Variants in KIF1A observed in about 807,000 individuals in gnomAD.
KIF1A encodes the protein kinesin-like protein KIF1A.
KIF1A carries 46 observed loss-of-function variants against 227.3 expected under a neutral mutation model. The ratio of observed to expected loss-of-function variants is 0.20; its 90% CI spans 0.16 to 0.26. The LOEUF is 0.26. Ranked by LOEUF, KIF1A falls within the 10% of genes least tolerant of loss-of-function variation. The probability of loss-of-function intolerance (pLI) is 1.00; values close to 1 mark genes in which losing one functional copy is unlikely to be tolerated. For synonymous variants in KIF1A, 1,022 were observed against 1,012.8 expected (o/e 1.01, Z -0.17); for missense variants, 1,683 against 2,485.9 (o/e 0.68, Z 6.87).
At chr2:240,791,903 G>A (rs896142452) in intron 2 of KIF1A, among the ~76,000 whole-genome samples, 2 of 149,534 alleles carry the variant, frequency 1.3e-5, no homozygotes, top group Non-Finnish European at 3.0e-5. Context: ...TCCCACCCTG[G>A]CCCTGCCTAC....
At chr2:240,751,306 C>T (rs887196876) in intron 27 of KIF1A, among the ~76,000 whole-genome samples, 21 of 152,188 alleles carry the variant, frequency 1.4e-4, no homozygotes, top group South Asian at 6.2e-4. Flanking sequence ...CACAGCCAGG[C>T]GGAAGGATAC....
Position 240,745,758 on chromosome 2 carries a change from G to T in KIF1A, c.3354C>A (p.Ala1118=). 1 of 1,612,460 alleles carries T rather than the reference G, an allele frequency of 6.2e-7. No homozygotes were observed. Among genetic ancestry groups the T allele is most frequent in the South Asian group, 1.1e-5 (1 of 90,794 alleles). Residue 1118 remains alanine, a synonymous_variant, in exon 31 of 49, where the codon GCC becomes GCA. Transcript: ENST00000498729. ...LQASSISAEY[A]DIFCQFNFIH... ...CTCACTTGAACTGGCAGAAGATGTC[G>T]GCATATTCGGCAGAGATGCTGGACG...
intron 1 of KIF1A, among the ~76,000 whole-genome samples, chr2:240,815,622 C>T (rs938009979): frequency 6.6e-6 from 1 of 152,240 alleles, no homozygotes; most frequent in Non-Finnish European, 1.5e-5. Flanking sequence ...ACAACCGGCT[C>T]AGCCATGGAA....
chr2:240,815,605 G>C (rs2058257484), intron 1 of KIF1A, among the ~76,000 whole-genome samples: 1 of 152,198 alleles, frequency 6.6e-6, no homozygotes, highest in Non-Finnish European at 1.5e-5. Flanking sequence ...GCGGTACCTG[G>C]GCTAGAACAA....
At chr2:240,794,554 C>T (rs899105638) in intron 2 of KIF1A, among the ~76,000 whole-genome samples, 2 of 152,228 alleles carry the variant, frequency 1.3e-5, no homozygotes, top group Non-Finnish European at 2.9e-5. Flanking sequence ...GGTCCGCTGC[C>T]GGGATAGACT....
chr2:240,757,985 T>C lies in KIF1A; in HGVS notation c.2582+375A>G, dbSNP rs150233063. 2.2e-3 allele frequency among the ~76,000 whole-genome samples: 330 copies of C among 152,278 alleles called. 1 individual carries two copies. The highest frequency in any genetic ancestry group is 7.7e-3 in the African/African-American group (321 of 41,546). The stretch of plus-strand genomic sequence containing the variant: ...GAGACCGGGGAAGGAGGCAGCCATT[T>C]GTAAGGCTCAGGTGACACAGCCCTG... On this transcript the variant is annotated intron_variant, in intron 26 of 48. Transcript: ENST00000498729. This position sits in a 1 kb window ranked among gnomAD's most constrained non-coding sequence, Gnocchi z 6.2.
intron 18 of KIF1A, 72 bp downstream of exon 18, chr2:240,767,194 G>A: frequency 7.5e-7 from 1 of 1,328,404 alleles, no homozygotes; most frequent in Non-Finnish European, 1.1e-6. Flanking sequence ...AAGCAGGAAT[G>A]GGGAGTCCAG....
rs756824696 is a variant in KIF1A, at chr2:240,717,370, C to T, written c.5370G>A (p.Arg1790=). The part of the protein sequence containing the change: ...KLSRRRSAQM[R]V The stretch of plus-strand genomic sequence containing the variant: ...GTCACGGGAGGGCTCAGGTTCAGAC[C>T]CGCATCTGGGCAGACCTCCTTCTGG... Residue 1790 remains arginine (R), a synonymous_variant, in exon 49 of 49, where the codon CGG becomes CGA. Coordinates refer to ENST00000498729, the MANE Select transcript of KIF1A (RefSeq NM_001244008.2). The T allele has an allele frequency of 2.5e-6, 4 of 1,611,800 alleles. No individual in the cohort carries two copies. Among genetic ancestry groups the T allele is most frequent in the South Asian group, 1.1e-5 (1 of 91,074 alleles).
intron 10 of KIF1A, chr2:240,782,299 T>C (rs1559525295): frequency 2.6e-6 from 2 of 755,228 alleles, no homozygotes; most frequent in Admixed American, 6.3e-5. Context: ...TTTCAGCTCC[T>C]CCCAGGGCCC....
chr2:240,815,989 C>T (rs904145949), intron 1 of KIF1A, among the ~76,000 whole-genome samples: 2 of 152,090 alleles, frequency 1.3e-5, no homozygotes, highest in African/African-American at 4.8e-5. Context: ...CCCTGGAAAC[C>T]TATGGTTGTG....
At position 240,758,252 on chromosome 2, in the gene KIF1A, G is replaced by T. The variant is rs1372992127; in HGVS notation, c.2582+108C>A. On this transcript the variant is annotated intron_variant, in intron 26 of 48. Coordinates refer to ENST00000498729, the MANE Select transcript of KIF1A (RefSeq NM_001244008.2). This position sits in a 1 kb window ranked among gnomAD's most constrained non-coding sequence, Gnocchi z 5.2. ...GGGCTGGGAATATGGGGCTGGAAAA[G>T]CACTTGTCAGGGCCGCTCCTTGTAT... is the stretch of plus-strand genomic sequence containing the variant. The T allele has an allele frequency of 2.3e-6, 3 of 1,287,020 alleles. No individual in the cohort carries two copies. The highest frequency in any genetic ancestry group is 1.0e-6 in the Non-Finnish European group (1 of 955,414). The allele number at this position is 1,287,020 out of a possible 1,614,324, so 79.7% of individuals were successfully genotyped here.
At chr2:240,761,460 G>T in intron 23 of KIF1A, 83 bp from the exon 24 acceptor site, 1 of 1,363,490 alleles carries the variant, frequency 7.3e-7, no homozygotes. Context: ...GGTCAGGCTG[G>T]TCGGCCACTC....
In KIF1A at chr2:240,778,511, T is replaced by TACACAC. The variant is rs60462300; in HGVS notation, c.883-2591_883-2586dup. Among the ~76,000 whole-genome samples, 289 of 134,206 alleles carry TACACAC rather than the reference T, an allele frequency of 2.2e-3. 6 individuals are homozygous for TACACAC. Among genetic ancestry groups the TACACAC allele is most frequent in the African/African-American group, 6.2e-3 (204 of 32,954 alleles). The allele number at this position is 134,206 out of a possible 152,430, so 88.0% of individuals were successfully genotyped here. ...GGCGCTCGCAGCTCCCGCACAGCGT[T>TACACAC]ACACACACACACACACACACACACA... On this transcript the variant is annotated intron_variant, in intron 10 of 48. Transcript: ENST00000498729. The surrounding 1 kb of genome is among the most constrained non-coding windows in gnomAD (Gnocchi z 7.2).
At chr2:240,751,129 C>T (rs1490904706) in intron 27 of KIF1A, among the ~76,000 whole-genome samples, 2 of 152,170 alleles carry the variant, frequency 1.3e-5, no homozygotes, top group Admixed American at 6.5e-5. Flanking sequence ...CGGTGCGGCC[C>T]AGCCTGCCCT....
chr2:240,810,360 G>A (rs891624320), intron 1 of KIF1A, among the ~76,000 whole-genome samples: 52 of 152,186 alleles, frequency 3.4e-4, no homozygotes, highest in African/African-American at 1.2e-3. Context: ...AACCACGATA[G>A]TAATTCGGAA....
In KIF1A at chr2:240,745,773, G is replaced by T. The variant is rs1198039045; in HGVS notation, c.3339C>A (p.Ile1113=). 6.2e-6 allele frequency: 10 copies of T among 1,612,800 alleles called. No homozygotes were observed. Among genetic ancestry groups the T allele is most frequent in the Non-Finnish European group, 7.6e-6 (9 of 1,179,676 alleles). ...FRVTVLQASS[I]SAEYADIFCQ... ...AGAAGATGTCGGCATATTCGGCAGAGATGCTGGACGCCTGCAGGACTGTCA... is the reference window on the plus strand; with the variant it reads ...AGAAGATGTCGGCATATTCGGCAGATATGCTGGACGCCTGCAGGACTGTCA... Residue 1113 remains isoleucine (I), a synonymous_variant, in exon 31 of 49, where the codon ATC becomes ATA. Coordinates refer to ENST00000498729, the MANE Select transcript of KIF1A (RefSeq NM_001244008.2).
chr2:240,742,942 T>C lies in KIF1A; in HGVS notation c.3627A>G (p.Pro1209=). The C allele has an allele frequency of 6.2e-7, 1 of 1,611,386 alleles. No homozygotes were observed. The highest frequency in any genetic ancestry group is 8.5e-7 in the Non-Finnish European group (1 of 1,178,860). The change falls in exon 34 of 49, where the codon CCA becomes CCG. Residue 1209 remains proline (P), a synonymous_variant. Coordinates refer to ENST00000498729, the MANE Select transcript of KIF1A (RefSeq NM_001244008.2). ...PSRRHFPRVM[P]LSKPVPATKL... The stretch of plus-strand genomic sequence containing the variant: ...GACCCTTCCTACCTGGCTTGGACAG[T>C]GGCATGACCCGAGGGAAGTGGCGGC...
chr2:240,811,349 C>T (rs1030614916), intron 1 of KIF1A, among the ~76,000 whole-genome samples: 2 of 152,026 alleles, frequency 1.3e-5, no homozygotes, highest in East Asian at 1.9e-4. Context: ...TGGGCTACAG[C>T]GTGAGACTCC....
At chr2:240,800,105 GACACACACACACAC>G (rs3220094) in intron 1 of KIF1A, among the ~76,000 whole-genome samples, 8 of 143,066 alleles carry the variant, frequency 5.6e-5, no homozygotes, top group South Asian at 2.3e-4. Context: ...GTCCAAAGCA[GACACACACACACAC>G]ACACACACAC....
Sources: gnomAD v4.1 joint callset for allele counts (sites outside exome capture counted in the v4.1 genomes callset) on GRCh38, gnomAD v4.1.1 for gene constraint, Gnocchi (gnomAD v3.1) non-coding constraint, MANE v1.5 for transcripts, NCBI Gene and HGNC (gene_info 2026-07-23, HGNC 2026-07-21) for gene names.